TNFAIP8: variants seen among roughly 807,000 people sequenced by gnomAD.
TNFAIP8 encodes the protein tumor necrosis factor alpha-induced protein 8.
In TNFAIP8, 7 loss-of-function variants were observed where a neutral mutation model predicts 13.3. The ratio of observed to expected loss-of-function variants is 0.52; its 90% CI spans 0.30 to 0.99. The LOEUF (loss-of-function observed/expected upper bound fraction) is 0.99. TNFAIP8 is among the 50% of genes least tolerant of loss of function. The probability of loss-of-function intolerance (pLI) is 0.07; values close to 1 mark genes in which losing one functional copy is unlikely to be tolerated. For synonymous variants in TNFAIP8, 94 were observed against 87.6 expected (o/e 1.07, Z -0.41); for missense variants, 258 against 236.9 (o/e 1.09, Z -0.58).
At chr5:119,326,346 A>G (rs906718650) in intron 1 of TNFAIP8, among the ~76,000 whole-genome samples, 1 of 152,222 alleles carries the variant, frequency 6.6e-6, no homozygotes, top group Non-Finnish European at 1.5e-5. Context: ...CTACAGTGTC[A>G]TGAAAGGCTC....
At chr5:119,338,519 G>C (rs1032141295) in intron 1 of TNFAIP8, among the ~76,000 whole-genome samples, 2 of 152,240 alleles carry the variant, frequency 1.3e-5, no homozygotes, top group South Asian at 4.1e-4. Context: ...TGGAGAGGAG[G>C]CTTTCGGGCT....
At chr5:119,322,865 C>T (rs181670760) in intron 1 of TNFAIP8, among the ~76,000 whole-genome samples, 2 of 152,316 alleles carry the variant, frequency 1.3e-5, no homozygotes, top group Admixed American at 1.3e-4. Context: ...AAGTTCTAGA[C>T]CTGGGTGTCT....
chr5:119,277,892 G>A (rs565444376), intron 1 of TNFAIP8, among the ~76,000 whole-genome samples: 65 of 152,156 alleles, frequency 4.3e-4, no homozygotes, highest in African/African-American at 1.4e-3. Flanking sequence ...AAAGGCACTG[G>A]GGTACACCTT....
intron 1 of TNFAIP8, among the ~76,000 whole-genome samples, chr5:119,289,291 A>AAAAGAT (rs58151240): frequency 0.087 from 13,280 of 152,150 alleles, 778 homozygotes; most frequent in African/African-American, 0.17. Flanking sequence ...AAGAACTGCC[A>AAAAGAT]AAAGATTGGT....
At chr5:119,328,321 T>G (rs1350824339) in intron 1 of TNFAIP8, among the ~76,000 whole-genome samples, 1 of 151,582 alleles carries the variant, frequency 6.6e-6, no homozygotes, top group Non-Finnish European at 1.5e-5. Context: ...CCTGGAAAAG[T>G]TTTTGAAACT....
chr5:119,327,998 G>C (rs1311766573), intron 1 of TNFAIP8, among the ~76,000 whole-genome samples: 1 of 152,090 alleles, frequency 6.6e-6, no homozygotes, highest in Non-Finnish European at 1.5e-5. Context: ...CTAGCTAAGT[G>C]AAGTAAGATG....
At chr5:119,317,369 TGA>T (rs1749929877) in intron 1 of TNFAIP8, among the ~76,000 whole-genome samples, 1 of 152,140 alleles carries the variant, frequency 6.6e-6, no homozygotes, top group Admixed American at 6.5e-5. Flanking sequence ...ATGAACCATT[TGA>T]AAGTGATTAT....
rs190499257 is a variant in TNFAIP8 at position 119,281,654 on chromosome 5, G to A, written c.1+12747G>A. 2.1e-3 allele frequency among the ~76,000 whole-genome samples: 324 copies of A among 152,200 alleles called. 3 individuals are homozygous for A. Among genetic ancestry groups the A allele is most frequent in the African/African-American group, 7.2e-3 (300 of 41,526 alleles). ...AATTCTTTCCCACCTTAAAAAAATG[G>A]TTTAGTACTTCTGCATCATCAGATC... On this transcript the variant is annotated intron_variant, in intron 1 of 1. Transcript: ENST00000274456.
chr5:119,384,865 A>G (rs113438085), intron 1 of TNFAIP8, among the ~76,000 whole-genome samples: 79 of 152,334 alleles, frequency 5.2e-4, no homozygotes, highest in Non-Finnish European at 7.8e-4. Context: ...ATAGAAAAAG[A>G]GCAGAGATGG....
intron 1 of TNFAIP8, among the ~76,000 whole-genome samples, chr5:119,318,669 C>T (rs1749969881): frequency 6.9e-6 from 1 of 144,238 alleles, no homozygotes; most frequent in Admixed American, 7.0e-5. Context: ...TCTTCCTCCC[C>T]CCGCATCCTC....
chr5:119,379,160 G>T (rs1752391878), intron 1 of TNFAIP8, among the ~76,000 whole-genome samples: 1 of 152,170 alleles, frequency 6.6e-6, no homozygotes, highest in Non-Finnish European at 1.5e-5. Context: ...GCTCTAAATA[G>T]AAGAAATTGA....
chr5:119,369,795 C>T (rs535160275), intron 1 of TNFAIP8, among the ~76,000 whole-genome samples: 2 of 152,276 alleles, frequency 1.3e-5, no homozygotes, highest in African/African-American at 4.8e-5. Flanking sequence ...TGCTGGCTCC[C>T]TTCGAGCCAG....
intron 1 of TNFAIP8, among the ~76,000 whole-genome samples, chr5:119,324,733 TA>T (rs891085140): frequency 9.6e-5 from 14 of 145,160 alleles, no homozygotes; most frequent in Non-Finnish European, 9.1e-5. Context: ...ATTTGACCAA[TA>T]AAAAAAAAAG....
At chr5:119,328,756 A>G (rs968939668) in intron 1 of TNFAIP8, among the ~76,000 whole-genome samples, 8 of 152,206 alleles carry the variant, frequency 5.3e-5, no homozygotes, top group African/African-American at 2.4e-5. Context: ...TTTACAGAGA[A>G]ACTTACCTTA....
chr5:119,329,319 A>T (rs1180373013), intron 1 of TNFAIP8, among the ~76,000 whole-genome samples: 1 of 152,172 alleles, frequency 6.6e-6, no homozygotes, highest in Non-Finnish European at 1.5e-5. Context: ...ACTACATGAT[A>T]AAAAGGCCTA....
chr5:119,277,717 T>A (rs1224859274), intron 1 of TNFAIP8, among the ~76,000 whole-genome samples: 1 of 152,218 alleles, frequency 6.6e-6, no homozygotes, highest in African/African-American at 2.4e-5. Flanking sequence ...TGAGACTGGG[T>A]AATTTGTAAA....
intron 1 of TNFAIP8, among the ~76,000 whole-genome samples, chr5:119,386,316 A>C (rs1752670574): frequency 6.6e-6 from 1 of 152,238 alleles, no homozygotes. Context: ...TCTTAAGAGC[A>C]GTCAAACAAG....
At chr5:119,313,876 C>T (rs994120699) in intron 1 of TNFAIP8, among the ~76,000 whole-genome samples, 2 of 152,224 alleles carry the variant, frequency 1.3e-5, no homozygotes, top group African/African-American at 2.4e-5. Context: ...ATGCTGCTGA[C>T]CAATTCATTT....
At chr5:119,328,649 CAGAG>C (rs1750291676) in intron 1 of TNFAIP8, among the ~76,000 whole-genome samples, 1 of 152,168 alleles carries the variant, frequency 6.6e-6, no homozygotes, top group Non-Finnish European at 1.5e-5. Context: ...GAGGTTAAAA[CAGAG>C]AGAAAAAAAT....
Sources: gnomAD v4.1 joint callset for allele counts (sites outside exome capture counted in the v4.1 genomes callset) on GRCh38, gnomAD v4.1.1 for gene constraint, MANE v1.5 for transcripts, NCBI Gene and HGNC (gene_info 2026-07-23, HGNC 2026-07-21) for gene names.